The following SLC4A10 variants were observed in gnomAD, a reference collection of about 807,000 sequenced individuals.
The protein encoded by SLC4A10 is solute carrier family 4 member 10.
In SLC4A10, 42 loss-of-function variants were observed where a neutral mutation model predicts 137.7. That is an observed-to-expected ratio of 0.30 (90% confidence interval 0.24 to 0.39). The LOEUF (loss-of-function observed/expected upper bound fraction) is 0.39, where lower values mean the gene tolerates loss of function less well. SLC4A10 is among the 10% of genes least tolerant of loss of function. SLC4A10 has a pLI of 1.00. For missense variants in SLC4A10, 925 were observed against 1,355.0 expected (o/e 0.68, Z 4.98); for synonymous variants, 474 against 464.1 (o/e 1.02, Z -0.27).
rs1273033699 is a variant in SLC4A10 at position 161,985,134 on chromosome 2, A to G, written c.*1982A>G. ...CTTCTAATTTCAGATTCCTGGTCAAAATTACTAAATATCTTGAATGTAATT... is the reference window on the plus strand; with the variant it reads ...CTTCTAATTTCAGATTCCTGGTCAAGATTACTAAATATCTTGAATGTAATT... On this transcript the variant is annotated 3_prime_UTR_variant, in exon 27 of 27. Coordinates refer to ENST00000446997, the MANE Select transcript of SLC4A10 (RefSeq NM_001178015.2). The G allele has an allele frequency of 6.6e-6, 1 of 152,074 alleles. No individual in the cohort carries two copies. The highest frequency in any genetic ancestry group is 2.4e-5 in the African/African-American group (1 of 41,452). The allele number at this position is 152,074 out of a possible 1,614,324, so 9.4% of individuals were successfully genotyped here. A position where few individuals can be genotyped will look rare whatever the true frequency, so the allele number is the denominator to read the frequency against.
chr2:161,781,184 A>C (rs2052970228), intron 2 of SLC4A10, among the ~76,000 whole-genome samples: 1 of 152,060 alleles, frequency 6.6e-6, no homozygotes, highest in African/African-American at 2.4e-5. Context: ...CTGCATTTTC[A>C]AACAGAAGCA....
At chr2:161,639,656 GT>G (rs1280690273) in intron 1 of SLC4A10, among the ~76,000 whole-genome samples, 3 of 152,124 alleles carry the variant, frequency 2.0e-5, no homozygotes, top group Non-Finnish European at 2.9e-5. Context: ...CAAACACACG[GT>G]TAACATCATA....
chr2:161,710,701 C>T (rs1029591764), intron 1 of SLC4A10: 6 of 455,304 alleles, frequency 1.3e-5, no homozygotes, highest in African/African-American at 4.0e-5. Flanking sequence ...AGGCTGCCTT[C>T]GTTTATACTA....
chr2:161,631,573 T>G (rs1316598552), intron 1 of SLC4A10, among the ~76,000 whole-genome samples: 1 of 151,662 alleles, frequency 6.6e-6, no homozygotes, highest in Non-Finnish European at 1.5e-5. Context: ...TCTTCAAAGC[T>G]GAGTTAAGAG....
At chr2:161,951,899 A>C (rs1276094153) in intron 19 of SLC4A10, among the ~76,000 whole-genome samples, 5 of 152,154 alleles carry the variant, frequency 3.3e-5, no homozygotes, top group African/African-American at 7.2e-5. Flanking sequence ...TGGTGGAGAG[A>C]ATGTGTGTCT....
intron 1 of SLC4A10, among the ~76,000 whole-genome samples, chr2:161,640,593 TTTCCTTCCTTCCTTCC>T (rs1245696506): frequency 3.9e-4 from 47 of 119,324 alleles, no homozygotes; most frequent in African/African-American, 8.4e-4. Context: ...TTTCTCTTTC[TTTCCTTCCTTCCTTCC>T]TTCCTTCCTT....
At chr2:161,759,615 C>T (rs961229822) in intron 1 of SLC4A10, among the ~76,000 whole-genome samples, 1 of 151,800 alleles carries the variant, frequency 6.6e-6, no homozygotes, top group Non-Finnish European at 1.5e-5. Context: ...TTTCACTTAG[C>T]GTAATGTATA....
intron 14 of SLC4A10, among the ~76,000 whole-genome samples, chr2:161,905,125 A>T (rs1215304497): frequency 6.6e-6 from 1 of 152,212 alleles, no homozygotes; most frequent in Non-Finnish European, 1.5e-5. Context: ...CTCAGTTATA[A>T]GCATCGATAA....
At chr2:161,899,144 G>A (rs527734477) in intron 11 of SLC4A10, among the ~76,000 whole-genome samples, 1 of 152,052 alleles carries the variant, frequency 6.6e-6, no homozygotes, top group African/African-American at 2.4e-5. Flanking sequence ...GCACTAGAAA[G>A]AACCTATCTC....
chr2:161,965,520 GT>G (rs1011731684), intron 23 of SLC4A10, among the ~76,000 whole-genome samples: 21 of 152,146 alleles, frequency 1.4e-4, no homozygotes, highest in South Asian at 2.1e-4. Flanking sequence ...TGCAGTGATT[GT>G]TTTTTTGTTA....
At chr2:161,813,235 G>A (rs892683122) in intron 3 of SLC4A10, among the ~76,000 whole-genome samples, 1 of 151,872 alleles carries the variant, frequency 6.6e-6, no homozygotes, top group African/African-American at 2.4e-5. Context: ...TTTTAAACAA[G>A]GAAAGGTAGA....
chr2:161,935,854 G>A (rs1691484349), intron 15 of SLC4A10, among the ~76,000 whole-genome samples: 1 of 152,082 alleles, frequency 6.6e-6, no homozygotes. Flanking sequence ...AGGCATTCTT[G>A]TCTTATTCCT....
intron 1 of SLC4A10, among the ~76,000 whole-genome samples, chr2:161,756,372 T>A (rs77672967): frequency 6.6e-6 from 1 of 152,206 alleles, no homozygotes; most frequent in Non-Finnish European, 1.5e-5. Context: ...GAAAGTATGA[T>A]TTTTGAGAAG....
intron 11 of SLC4A10, among the ~76,000 whole-genome samples, chr2:161,895,245 ATCATTT>A (rs1424651764): frequency 6.6e-6 from 1 of 152,082 alleles, no homozygotes; most frequent in Non-Finnish European, 1.5e-5. Context: ...ATGTGAACTC[ATCATTT>A]TTATGGCTGC....
chr2:161,647,899 C>T (rs1558939232), intron 1 of SLC4A10, among the ~76,000 whole-genome samples: 2 of 152,150 alleles, frequency 1.3e-5, no homozygotes, highest in African/African-American at 4.8e-5. Flanking sequence ...TACTAGTACT[C>T]GCTGCAGAGC....
chr2:161,737,086 T>C (rs2047423047), intron 1 of SLC4A10, among the ~76,000 whole-genome samples: 3 of 152,080 alleles, frequency 2.0e-5, no homozygotes. Context: ...CTTAAACTCC[T>C]GGGCTCAAGA....
At position 161,797,974 on chromosome 2, in the gene SLC4A10, A is replaced by G. The variant is rs979742186; in HGVS notation, c.131-6475A>G. Among the ~76,000 whole-genome samples, 2 of 152,058 alleles carry G rather than the reference A, an allele frequency of 1.3e-5. 1 individual carries two copies. The highest frequency in any genetic ancestry group is 6.3e-3 in the Middle Eastern group (2 of 316). On this transcript the variant is annotated intron_variant, in intron 2 of 26. Transcript: ENST00000446997. ...AATACCTTCCCAGGGTCAGGTAACT[A>G]TGACCAGCACTAGTTTAACACTGTC...
At chr2:161,791,998 A>T (rs1168024822) in intron 2 of SLC4A10, among the ~76,000 whole-genome samples, 1 of 152,164 alleles carries the variant, frequency 6.6e-6, no homozygotes, top group Admixed American at 6.6e-5. Flanking sequence ...GGTCCTGGTT[A>T]TACATTTTAC....
intron 1 of SLC4A10, among the ~76,000 whole-genome samples, chr2:161,762,166 A>G (rs1483143991): frequency 6.6e-6 from 1 of 152,126 alleles, no homozygotes; most frequent in Non-Finnish European, 1.5e-5. Context: ...CTAACTTAGA[A>G]GAAATATATT....
Sources: allele counts gnomAD v4.1 joint callset (sites outside exome capture counted in the v4.1 genomes callset), GRCh38; gene constraint gnomAD v4.1.1; transcripts MANE v1.5; gene names NCBI Gene and HGNC (gene_info 2026-07-23, HGNC 2026-07-21).